OR1L8: variants seen among roughly 807,000 people sequenced by gnomAD.
OR1L8 encodes olfactory receptor 1L8.
For missense variants in OR1L8, 330 were observed against 377.4 expected, an observed-to-expected ratio of 0.87 and a Z score of 1.04; for synonymous variants, 148 against 147.0, an observed-to-expected ratio of 1.01 and a Z score of -0.05.
the OR1L8 span, among the ~76,000 whole-genome samples, chr9:122,552,749 A>AGTGAGT: frequency 3.1e-5 from 4 of 129,662 alleles, no homozygotes; most frequent in African/African-American, 1.2e-4. Context: ...AGAGGGCTTG[A>AGTGAGT]GTGTGTGTGT....
chr9:122,568,109 G>T lies in OR1L8; in HGVS notation c.369C>A (p.Arg123=). ...GGAAAGGGTCACAGACGGCCACATA[G>T]CGGTCAAAGGCCATGACTGCCAGAA... ...SCLLAVMAFD[R]YVAVCDPFHY... The change falls in exon 5 of 5, where the codon CGC becomes CGA. Residue 123 remains arginine (R), a synonymous_variant. Transcript: ENST00000641027. 1 of 1,614,060 alleles carries T rather than the reference G, an allele frequency of 6.2e-7. No individual in the cohort carries two copies. The highest frequency in any genetic ancestry group is 1.1e-5 in the South Asian group (1 of 91,048).
At chr9:122,554,742 AAAAG>A in the OR1L8 span, among the ~76,000 whole-genome samples, 1 of 152,204 alleles carries the variant, frequency 6.6e-6, no homozygotes, top group South Asian at 2.1e-4. Flanking sequence ...CAATAGGAGA[AAAAG>A]AATTAATATA....
intron 1 of OR1L8, among the ~76,000 whole-genome samples, chr9:122,582,959 A>T (rs1235578748): frequency 1.3e-5 from 2 of 152,166 alleles, no homozygotes; most frequent in East Asian, 3.8e-4. Context: ...AAATAGAGCT[A>T]AATCATATAG....
intron 1 of OR1L8, among the ~76,000 whole-genome samples, chr9:122,581,668 C>T (rs77661173): frequency 4.6e-5 from 7 of 151,632 alleles, no homozygotes; most frequent in East Asian, 1.9e-4. Flanking sequence ...AGACAGAGGC[C>T]GGGCACAGTG....
At chr9:122,573,946 A>G (rs531915879) in intron 3 of OR1L8, among the ~76,000 whole-genome samples, 17 of 152,166 alleles carry the variant, frequency 1.1e-4, no homozygotes, top group Non-Finnish European at 2.1e-4. Flanking sequence ...TCTTTTTGGT[A>G]TGTGGACGTC....
chr9:122,554,352 C>A, the OR1L8 span: 1 of 550,642 alleles, frequency 1.8e-6, no homozygotes, highest in Non-Finnish European at 3.2e-6. Context: ...TCTGTCTCAG[C>A]CTCTTTCCTG....
At chr9:122,581,816 A>G (rs7854965) in intron 1 of OR1L8, among the ~76,000 whole-genome samples, 2,626 of 152,112 alleles carry the variant, frequency 0.017, 66 homozygotes, top group African/African-American at 0.059. Flanking sequence ...ATGTGGTGGT[A>G]CACATCAATT....
chr9:122,572,287 C>T (rs1217094697), intron 4 of OR1L8, among the ~76,000 whole-genome samples: 2 of 152,154 alleles, frequency 1.3e-5, no homozygotes, highest in African/African-American at 4.8e-5. Flanking sequence ...TATCAAATAG[C>T]AAGTGAGATA....
At chr9:122,559,323 T>C in the OR1L8 span, among the ~76,000 whole-genome samples, 3 of 152,176 alleles carry the variant, frequency 2.0e-5, no homozygotes, top group South Asian at 4.1e-4. Flanking sequence ...TTTATTTTAC[T>C]TTAAGTTCTA....
At chr9:122,577,849 C>T (rs1409008533) in intron 2 of OR1L8, among the ~76,000 whole-genome samples, 1 of 151,938 alleles carries the variant, frequency 6.6e-6, no homozygotes, top group Non-Finnish European at 1.5e-5. Context: ...TTTTTGTTCC[C>T]CCTCACCTTC....
chr9:122,570,927 T>A (rs919759102), intron 4 of OR1L8, among the ~76,000 whole-genome samples: 4 of 152,194 alleles, frequency 2.6e-5, no homozygotes, highest in African/African-American at 9.6e-5. Context: ...CATTTTTACA[T>A]ACAGGAGGCT....
At chr9:122,553,208 A>G in the OR1L8 span, 1 of 1,613,370 alleles carries the variant, frequency 6.2e-7, no homozygotes, top group Non-Finnish European at 8.5e-7. Flanking sequence ...ACGAACTACA[A>G]GGGATGGGAA....
chr9:122,562,862 T>C (rs1465618828), downstream of OR1L8, among the ~76,000 whole-genome samples: 2 of 152,202 alleles, frequency 1.3e-5, no homozygotes, highest in African/African-American at 2.4e-5. Flanking sequence ...TTATTCGTTT[T>C]ATGGCTGCAT....
chr9:122,556,849 C>A, the OR1L8 span, among the ~76,000 whole-genome samples: 247 of 152,206 alleles, frequency 1.6e-3, 1 homozygote, highest in African/African-American at 5.5e-3. Context: ...GGAAGAATGA[C>A]ACCATGATAA....
rs146795206 is a variant in OR1L8 at position 122,578,792 on chromosome 9, T to C, written c.-599-347A>G. On this transcript the variant is annotated intron_variant, in intron 1 of 4. Coordinates refer to ENST00000641027, the MANE Select transcript of OR1L8 (RefSeq NM_001004454.2). The stretch of plus-strand genomic sequence containing the variant: ...AGGCATAAGAATGATACAATGAACT[T>C]TGGGGACTCGGGAAAGGGTAGGAGA... 4.9e-3 allele frequency among the ~76,000 whole-genome samples: 738 copies of C among 152,126 alleles called. 8 individuals carry two copies. The highest frequency in any genetic ancestry group is 0.016 in the African/African-American group (684 of 41,502).
At chr9:122,553,790 A>G in the OR1L8 span, 3 of 1,614,024 alleles carry the variant, frequency 1.9e-6, no homozygotes, top group Non-Finnish European at 2.5e-6. Context: ...TTGCCTGCTC[A>G]GATACCCATG....
In OR1L8 at chr9:122,568,512, C is replaced by A; in HGVS notation, c.-35G>T. ...CTCAGTTATAAACAAGAAGTTTTGT[C>A]ATTTAACATGCTCTGATTTCATAAC... On this transcript the variant is annotated 5_prime_UTR_variant, in exon 5 of 5. It removes an upstream start codon present in the reference 5' UTR. Transcript: ENST00000641027. The A allele has an allele frequency of 1.6e-6, 2 of 1,240,694 alleles. No homozygotes were observed. The highest frequency in any genetic ancestry group is 2.9e-5 in the South Asian group (2 of 69,568). 76.9% of individuals were successfully genotyped at this position (1,240,694 alleles called of 1,614,324 possible).
intron 3 of OR1L8, among the ~76,000 whole-genome samples, chr9:122,574,593 A>G (rs778338918): frequency 2.7e-5 from 4 of 150,586 alleles, no homozygotes; most frequent in Non-Finnish European, 3.0e-5. Context: ...TTTTTTGTCA[A>G]TTCTTTTGGA....
the OR1L8 span, among the ~76,000 whole-genome samples, chr9:122,557,878 T>C: frequency 6.6e-6 from 1 of 152,054 alleles, no homozygotes; most frequent in African/African-American, 2.4e-5. Context: ...ACTATTGAGT[T>C]AATTTCTTTA....
Sources: gnomAD v4.1 joint callset for allele counts (sites outside exome capture counted in the v4.1 genomes callset) on GRCh38, gnomAD v4.1.1 for gene constraint, MANE v1.5 for transcripts, NCBI Gene and HGNC (gene_info 2026-07-23, HGNC 2026-07-21) for gene names.